ATRNL1: variants seen among roughly 807,000 people sequenced by gnomAD.
The protein encoded by ATRNL1 is attractin-like protein 1.
Under a neutral mutation model 182.7 loss-of-function variants are expected in ATRNL1, and 95 were observed. That is an observed-to-expected ratio of 0.52 (90% confidence interval 0.44 to 0.62). ATRNL1 has a LOEUF of 0.62. ATRNL1 is among the 20% of genes least tolerant of loss of function. The pLI is 0.00. For missense variants in ATRNL1, 1,471 were observed against 1,679.5 expected (o/e 0.88, Z 2.17); for synonymous variants, 576 against 568.3 (o/e 1.01, Z -0.19).
intron 25 of ATRNL1, among the ~76,000 whole-genome samples, chr10:115,523,673 A>T (rs1554985832): frequency 6.6e-6 from 1 of 152,084 alleles, no homozygotes; most frequent in Non-Finnish European, 1.5e-5. Context: ...AGTTCCAGTG[A>T]TTTCCTCATT....
intron 24 of ATRNL1, among the ~76,000 whole-genome samples, chr10:115,518,877 G>GTATA (rs35106808): frequency 0.021 from 3,231 of 151,268 alleles, 62 homozygotes; most frequent in Middle Eastern, 0.058. Context: ...CAAAACATTT[G>GTATA]TATATATATA....
rs1168659713 is a variant in ATRNL1 at position 115,184,658 on chromosome 10, AAT to A, written c.1348+13368_1348+13369del. On this transcript the variant is annotated intron_variant, in intron 8 of 28. Transcript: ENST00000355044. Reference sequence around the variant, plus strand: ...TTACCTGTGTTTACTCTTTTAAAAAAATAGTCTTGACTTAGAAACATTGATTT... The same window carrying A: ...TTACCTGTGTTTACTCTTTTAAAAAAAGTCTTGACTTAGAAACATTGATTT... Among the ~76,000 whole-genome samples, 10 of 151,964 alleles carry A rather than the reference AAT, an allele frequency of 6.6e-5. 1 individual carries two copies. In the East Asian group the frequency reaches 1.5e-3, roughly 23 times the overall value.
intron 17 of ATRNL1, among the ~76,000 whole-genome samples, chr10:115,310,040 G>A (rs1465361831): frequency 6.6e-6 from 1 of 152,056 alleles, no homozygotes; most frequent in African/African-American, 2.4e-5. Flanking sequence ...TGCCTAGTTT[G>A]TTGAGGGTTT....
At chr10:115,741,681 A>C (rs536938265) in intron 27 of ATRNL1, among the ~76,000 whole-genome samples, 1 of 152,300 alleles carries the variant, frequency 6.6e-6, no homozygotes, top group Non-Finnish European at 1.5e-5. Flanking sequence ...TGATTGTCAA[A>C]ATGTTAAGGT....
At chr10:115,863,296 G>C (rs1951357957) in intron 28 of ATRNL1, among the ~76,000 whole-genome samples, 2 of 152,254 alleles carry the variant, frequency 1.3e-5, no homozygotes, top group Non-Finnish European at 2.9e-5. Flanking sequence ...TGGGGGTATA[G>C]GGAAGAAAAG....
At chr10:115,397,483 T>A (rs1334930895) in intron 20 of ATRNL1, among the ~76,000 whole-genome samples, 1 of 152,010 alleles carries the variant, frequency 6.6e-6, no homozygotes, top group African/African-American at 2.4e-5. Context: ...TGTCCTTTAC[T>A]AGAGTGAACT....
chr10:115,702,457 A>G (rs1946768158), intron 26 of ATRNL1, among the ~76,000 whole-genome samples: 1 of 151,966 alleles, frequency 6.6e-6, no homozygotes, highest in Non-Finnish European at 1.5e-5. Context: ...TCTAAATAGT[A>G]AAAGAATAAG....
intron 26 of ATRNL1, among the ~76,000 whole-genome samples, chr10:115,645,432 T>C (rs1195246544): frequency 1.4e-5 from 2 of 147,802 alleles, no homozygotes; most frequent in African/African-American, 4.9e-5. Flanking sequence ...TATATATTTG[T>C]ATATATATAA....
chr10:115,878,449 A>G (rs984927640), intron 28 of ATRNL1, among the ~76,000 whole-genome samples: 3 of 152,264 alleles, frequency 2.0e-5, no homozygotes, highest in Non-Finnish European at 2.9e-5. Context: ...GTCTACACAC[A>G]CACACACGTT....
At chr10:115,479,229 G>C (rs1554973692) in intron 24 of ATRNL1, among the ~76,000 whole-genome samples, 1 of 151,352 alleles carries the variant, frequency 6.6e-6, no homozygotes, top group African/African-American at 2.4e-5. Context: ...TTCTTTTACT[G>C]TTCCTAAATT....
intron 13 of ATRNL1, among the ~76,000 whole-genome samples, chr10:115,275,268 G>C (rs1192995529): frequency 6.6e-6 from 1 of 152,156 alleles, no homozygotes; most frequent in Non-Finnish European, 1.5e-5. Flanking sequence ...CACTGTGAGA[G>C]GGACCTGAAC....
intron 27 of ATRNL1, among the ~76,000 whole-genome samples, chr10:115,838,428 A>C (rs1390917461): frequency 2.0e-5 from 3 of 152,164 alleles, no homozygotes; most frequent in Non-Finnish European, 2.9e-5. Flanking sequence ...AAAATAAGAC[A>C]ACCTCTTGAG....
At chr10:115,489,327 T>C (rs1286938145) in intron 24 of ATRNL1, among the ~76,000 whole-genome samples, 2 of 152,182 alleles carry the variant, frequency 1.3e-5, no homozygotes, top group African/African-American at 2.4e-5. Context: ...CAGTGGGGTG[T>C]TAAAGTCTCC....
intron 27 of ATRNL1, among the ~76,000 whole-genome samples, chr10:115,778,046 G>A (rs963140568): frequency 2.6e-5 from 4 of 152,076 alleles, no homozygotes; most frequent in Non-Finnish European, 5.9e-5. Flanking sequence ...TTCAGGGGCC[G>A]GACTTTCTTT....
chr10:115,814,235 A>G (rs1950112356), intron 27 of ATRNL1, among the ~76,000 whole-genome samples: 1 of 152,146 alleles, frequency 6.6e-6, no homozygotes, highest in African/African-American at 2.4e-5. Flanking sequence ...ATCAGTTCAT[A>G]CTTTTAACCT....
At chr10:115,406,422 T>C (rs1554958268) in intron 20 of ATRNL1, among the ~76,000 whole-genome samples, 1 of 152,108 alleles carries the variant, frequency 6.6e-6, no homozygotes, top group East Asian at 1.9e-4. Flanking sequence ...ATTCATATTT[T>C]CAACTTTGGA....
chr10:115,545,750 T>C (rs1592829215), intron 25 of ATRNL1, among the ~76,000 whole-genome samples: 1 of 152,244 alleles, frequency 6.6e-6, no homozygotes, highest in African/African-American at 2.4e-5. Context: ...TGAATATAAG[T>C]AACTTTTCTA....
chr10:115,649,583 T>A (rs1162737645), intron 26 of ATRNL1, among the ~76,000 whole-genome samples: 3 of 152,146 alleles, frequency 2.0e-5, no homozygotes, highest in Admixed American at 6.6e-5. Context: ...CATCTGATGC[T>A]TGAGTGAGAT....
At chr10:115,482,942 G>T (rs1848839197) in intron 24 of ATRNL1, among the ~76,000 whole-genome samples, 1 of 151,216 alleles carries the variant, frequency 6.6e-6, no homozygotes, top group African/African-American at 2.4e-5. Context: ...CTAACCGTAA[G>T]GTAAGAAAGA....
Sources: gnomAD v4.1 joint callset for allele counts (sites outside exome capture counted in the v4.1 genomes callset) on GRCh38, gnomAD v4.1.1 for gene constraint, MANE v1.5 for transcripts, NCBI Gene and HGNC (gene_info 2026-07-23, HGNC 2026-07-21) for gene names.